H2AZ2: variants seen among roughly 807,000 people sequenced by gnomAD.
H2AZ2 encodes the protein histone H2A.V.
H2AZ2 carries 5 observed loss-of-function variants against 15.5 expected under a neutral mutation model. The ratio of observed to expected loss-of-function variants is 0.32; its 90% CI spans 0.17 to 0.68. The LOEUF (loss-of-function observed/expected upper bound fraction) is 0.68. H2AZ2 is among the 30% of genes least tolerant of loss of function. The pLI is 0.72. For synonymous variants in H2AZ2, 44 were observed against 57.4 expected, an observed-to-expected ratio of 0.77 and a Z score of 1.05; for missense variants, 42 against 162.5, an observed-to-expected ratio of 0.26 and a Z score of 4.03.
intron 3 of H2AZ2, among the ~76,000 whole-genome samples, chr7:44,838,011 G>A (rs993535863): frequency 6.7e-6 from 1 of 150,062 alleles, no homozygotes; most frequent in Non-Finnish European, 1.5e-5. Context: ...TCGTTCTGTC[G>A]CCAGGCTGGA....
downstream of H2AZ2, among the ~76,000 whole-genome samples, chr7:44,831,041 C>A (rs564704587): frequency 6.6e-6 from 1 of 152,162 alleles, no homozygotes; most frequent in Non-Finnish European, 1.5e-5. Flanking sequence ...GTGGCAGGCA[C>A]CTGTAATGCC....
chr7:44,835,613 GCTTTA>G lies in H2AZ2; in HGVS notation c.236_240del (p.Val79AlafsTer14). 6.2e-7 allele frequency: 1 copy of G among 1,612,772 alleles called. No individual in the cohort carries two copies. The highest frequency in any genetic ancestry group is 8.5e-7 in the Non-Finnish European group (1 of 1,179,224). ...AGCTGCAAGTGACGCGGAGTGATAC[GCTTTA>G]CTTTGAGATCCTTAGAAGCATTACC... On this transcript the variant is annotated frameshift_variant, in exon 4 of 5. Transcript: ENST00000308153. LOFTEE classifies it high-confidence loss of function.
intron 1 of H2AZ2, among the ~76,000 whole-genome samples, chr7:44,843,739 A>G (rs1793332761): frequency 6.6e-6 from 1 of 152,046 alleles, no homozygotes; most frequent in Admixed American, 6.6e-5. Flanking sequence ...TTGTATTTTT[A>G]GTAGAGGTGG....
chr7:44,836,494 G>A (rs996800728), intron 3 of H2AZ2, among the ~76,000 whole-genome samples: 2 of 151,728 alleles, frequency 1.3e-5, no homozygotes, highest in African/African-American at 4.9e-5. Flanking sequence ...CTGGGCCATC[G>A]CACTCAGCCT....
Position 44,833,113 on chromosome 7 carries a change from T to C in H2AZ2, c.*1388A>G, listed in dbSNP as rs1793031050. ...CCTAGGCTGGAGTGTAGTGGCGTGA[T>C]CTTGGCTCACTGCAACCTCTGCCTC... On this transcript the variant is annotated 3_prime_UTR_variant, in exon 5 of 5. Transcript: ENST00000308153. Among the ~76,000 whole-genome samples, 2 of 152,070 alleles carry C rather than the reference T, an allele frequency of 1.3e-5. No individual in the cohort carries two copies. The highest frequency in any genetic ancestry group is 2.9e-5 in the Non-Finnish European group (2 of 68,010).
At chr7:44,847,476 C>T (rs1793439951) in intron 1 of H2AZ2, among the ~76,000 whole-genome samples, 1 of 152,138 alleles carries the variant, frequency 6.6e-6, no homozygotes, top group African/African-American at 2.4e-5. Context: ...TCTATAAAAC[C>T]ATTCTTTGTC....
Position 44,833,637 on chromosome 7 carries a change from C to A in H2AZ2, c.*864G>T. ...AAGTGTTGGGATTACAGGCGTAAAC[C>A]ACAATGCCAGGCCAAAAATTGGGAT... On this transcript the variant is annotated 3_prime_UTR_variant, in exon 5 of 5. Transcript: ENST00000308153. The A allele has an allele frequency of 5.1e-6, 5 of 975,768 alleles. No homozygotes were observed. The highest frequency in any genetic ancestry group is 4.9e-6 in the Non-Finnish European group (4 of 821,110). The allele number at this position is 975,768 out of a possible 1,614,324, so 60.4% of individuals were successfully genotyped here. A position where few individuals can be genotyped will look rare whatever the true frequency, so the allele number is the denominator to read the frequency against.
intron 3 of H2AZ2, among the ~76,000 whole-genome samples, chr7:44,837,656 A>G (rs1043270322): frequency 6.6e-6 from 1 of 151,608 alleles, no homozygotes; most frequent in African/African-American, 2.4e-5. Context: ...ACATCTGGTC[A>G]ATTTTTTGTA....
At chr7:44,841,339 T>C (rs1393812489) in intron 2 of H2AZ2, among the ~76,000 whole-genome samples, 2 of 152,226 alleles carry the variant, frequency 1.3e-5, no homozygotes, top group Non-Finnish European at 2.9e-5. Flanking sequence ...ACATGCAACT[T>C]TGAACCTCCA....
chr7:44,829,751 G>C (rs184720090), downstream of H2AZ2: 32 of 160,164 alleles, frequency 2.0e-4, no homozygotes, highest in East Asian at 5.4e-3. Flanking sequence ...CCCGAAAAAT[G>C]AACACTAACT....
chr7:44,846,491 C>G (rs1265526583), intron 1 of H2AZ2, among the ~76,000 whole-genome samples: 1 of 151,740 alleles, frequency 6.6e-6, no homozygotes, highest in Non-Finnish European at 1.5e-5. Context: ...GTGGCGCACG[C>G]CTGTAGCTAT....
intron 3 of H2AZ2, among the ~76,000 whole-genome samples, chr7:44,838,582 G>C (rs910745914): frequency 1.6e-4 from 24 of 152,136 alleles, no homozygotes; most frequent in Non-Finnish European, 3.4e-4. Flanking sequence ...GAACCCAGAA[G>C]GCAGAGGTTG....
At chr7:44,844,590 G>A (rs563283127) in intron 1 of H2AZ2, among the ~76,000 whole-genome samples, 166 of 152,302 alleles carry the variant, frequency 1.1e-3, no homozygotes, top group Non-Finnish European at 1.9e-3. Context: ...CTGACCTCAA[G>A]TGATCTGCCT....
exon 5 of H2AZ2, chr7:44,826,951 T>C (rs1418551718): frequency 6.6e-6 from 1 of 152,258 alleles, no homozygotes; most frequent in Non-Finnish European, 1.5e-5. Flanking sequence ...AATATTAGTA[T>C]GCTATTCTTT....
intron 3 of H2AZ2, among the ~76,000 whole-genome samples, chr7:44,840,097 G>A (rs1391657956): frequency 6.6e-6 from 1 of 152,088 alleles, no homozygotes; most frequent in African/African-American, 2.4e-5. Flanking sequence ...GGGAGGCTGA[G>A]GCAGGAGGAT....
chr7:44,828,567 A>C (rs1792956894), downstream of H2AZ2: 1 of 152,226 alleles, frequency 6.6e-6, no homozygotes, highest in South Asian at 2.1e-4. Context: ...ACTGGCCAAC[A>C]AAGATCTGAA....
At chr7:44,838,335 A>G (rs1793182896) in intron 3 of H2AZ2, among the ~76,000 whole-genome samples, 2 of 152,058 alleles carry the variant, frequency 1.3e-5, no homozygotes, top group South Asian at 4.1e-4. Flanking sequence ...AAAATTTAAA[A>G]ATTTTTAAAA....
At chr7:44,831,170 A>C (rs546904818), downstream of H2AZ2, among the ~76,000 whole-genome samples, 4 of 152,308 alleles carry the variant, frequency 2.6e-5, no homozygotes, top group South Asian at 8.3e-4. Flanking sequence ...TTGTCTGAAA[A>C]AATAAAAATA....
At chr7:44,831,009 A>G (rs1792991027), downstream of H2AZ2, among the ~76,000 whole-genome samples, 1 of 152,076 alleles carries the variant, frequency 6.6e-6, no homozygotes, top group Non-Finnish European at 1.5e-5. Flanking sequence ...ACAAAAGAAC[A>G]AACAAACATT....
Sources: allele counts gnomAD v4.1 joint callset (sites outside exome capture counted in the v4.1 genomes callset), GRCh38; gene constraint gnomAD v4.1.1; transcripts MANE v1.5; gene names NCBI Gene and HGNC (gene_info 2026-07-23, HGNC 2026-07-21).